The following ABCA10 variants were observed in gnomAD, a reference collection of about 807,000 sequenced individuals.
ABCA10 encodes ATP binding cassette subfamily A member 10.
ABCA10 carries 169 observed loss-of-function variants against 187.5 expected under a neutral mutation model. That is an observed-to-expected ratio of 0.90 (90% CI 0.80 to 1.02). The LOEUF (loss-of-function observed/expected upper bound fraction) is 1.02. Ranked by LOEUF, ABCA10 falls within the 50% of genes least tolerant of loss-of-function variation. The probability of loss-of-function intolerance (pLI) is 0.00; values close to 1 mark genes in which losing one functional copy is unlikely to be tolerated. For synonymous variants in ABCA10, 574 were observed against 601.8 expected (o/e 0.95, Z 0.68); for missense variants, 1,727 against 1,812.4 (o/e 0.95, Z 0.86).
At position 69,238,947 on chromosome 17, in the gene ABCA10, G is replaced by A. The variant is rs904627776; in HGVS notation, c.-593+5582C>T. Among the ~76,000 whole-genome samples, 7 of 152,302 alleles carry A rather than the reference G, an allele frequency of 4.6e-5. No individual in the cohort carries two copies. In the South Asian group the frequency reaches 8.3e-4, roughly 18 times the overall value. On this transcript the variant is annotated intron_variant, in intron 1 of 39. Transcript: ENST00000269081. The stretch of plus-strand genomic sequence containing the variant: ...TTCATTTGGCCCCTACAGATGCAAT[G>A]TTCTATTAAATATCTCCATAACTGT...
intron 11 of ABCA10, among the ~76,000 whole-genome samples, chr17:69,195,548 G>GTTT (rs1205226652): frequency 5.7e-5 from 2 of 35,084 alleles, no homozygotes; most frequent in African/African-American, 1.3e-4. Flanking sequence ...AAACAATGAA[G>GTTT]TTTTTCTTTT....
intron 25 of ABCA10, among the ~76,000 whole-genome samples, chr17:69,169,432 G>T (rs2074279593): frequency 6.6e-6 from 1 of 152,180 alleles, no homozygotes; most frequent in South Asian, 2.1e-4. Flanking sequence ...ACTATGTAAA[G>T]ATATCATTTC....
Position 69,166,971 on chromosome 17 carries a change from A to G in ABCA10, c.3163-1888T>C, listed in dbSNP as rs2074258860. ...GATGATCAGTACTGCCATTATCTAT[A>G]AAAGCTGATAACACTCAAGACTTGA... On this transcript the variant is annotated intron_variant, in intron 25 of 38. Coordinates refer to ENST00000690296, the MANE Select transcript of ABCA10 (RefSeq NM_001377321.1). Among the ~76,000 whole-genome samples the G allele has an allele frequency of 2.0e-5, 3 of 152,296 alleles. No individual in the cohort carries two copies. In the South Asian group the frequency reaches 6.2e-4, roughly 32 times the overall value.
rs768679925 is a variant in ABCA10 at position 69,190,495 on chromosome 17, A to G, written c.2012-18T>C. 7 of 1,551,696 alleles carry G rather than the reference A, an allele frequency of 4.5e-6. No individual in the cohort carries two copies. The highest frequency in any genetic ancestry group is 2.3e-5 in the Admixed American group (1 of 43,986). ...GTAAAGATCTAAAAAGCCAATAGTA[A>G]TAAGTCAACGCAATTAAAATTATCA... On this transcript the variant is annotated intron_variant, in intron 17 of 38. Transcript: ENST00000690296.
chr17:69,168,693 T>C (rs1033253889), intron 25 of ABCA10, among the ~76,000 whole-genome samples: 9 of 152,182 alleles, frequency 5.9e-5, no homozygotes, highest in Non-Finnish European at 1.2e-4. Flanking sequence ...ATAATTCCCA[T>C]GTGTTGTGGA....
At chr17:69,163,702 T>A (rs897516113) in intron 27 of ABCA10, among the ~76,000 whole-genome samples, 1 of 152,208 alleles carries the variant, frequency 6.6e-6, no homozygotes, top group Non-Finnish European at 1.5e-5. Context: ...TTCCCCACTA[T>A]AAAATTTCAT....
intron 4 of ABCA10, among the ~76,000 whole-genome samples, chr17:69,222,115 G>C (rs1232572550): frequency 1.3e-5 from 2 of 152,158 alleles, no homozygotes; most frequent in Non-Finnish European, 2.9e-5. Context: ...ACCACTTTGG[G>C]AGGCCGAGGC....
chr17:69,156,533 C>A (rs1006322482), intron 28 of ABCA10, among the ~76,000 whole-genome samples: 18 of 152,074 alleles, frequency 1.2e-4, no homozygotes, highest in Admixed American at 1.3e-4. Context: ...GTTAAATGTA[C>A]TGCAATAAAG....
At chr17:69,158,063 A>G (rs2074187746) in intron 27 of ABCA10, among the ~76,000 whole-genome samples, 1 of 151,996 alleles carries the variant, frequency 6.6e-6, no homozygotes, top group Non-Finnish European at 1.5e-5. Flanking sequence ...AACAAACAAA[A>G]GACAAAAGCT....
At chr17:69,179,325 T>C (rs1356145625) in intron 22 of ABCA10, among the ~76,000 whole-genome samples, 1 of 152,162 alleles carries the variant, frequency 6.6e-6, no homozygotes, top group Non-Finnish European at 1.5e-5. Context: ...CTGGAGGTAA[T>C]ATGCTAAGAC....
At chr17:69,215,195 T>A (rs936880062) in intron 8 of ABCA10, among the ~76,000 whole-genome samples, 2 of 152,088 alleles carry the variant, frequency 1.3e-5, no homozygotes, top group Non-Finnish European at 2.9e-5. Context: ...TAGAGCCCAT[T>A]TAAAGAAACA....
chr17:69,170,372 C>T (rs1034974961), intron 25 of ABCA10, among the ~76,000 whole-genome samples: 3 of 150,660 alleles, frequency 2.0e-5, no homozygotes, highest in Admixed American at 2.0e-4. Flanking sequence ...GCTTCTTTCA[C>T]CTTTATTCCA....
chr17:69,232,978 A>C (rs2074841495), upstream of ABCA10: 1 of 151,762 alleles, frequency 6.6e-6, no homozygotes, highest in Non-Finnish European at 1.5e-5. Context: ...TTATTTCTCT[A>C]TTTTCAGGGT....
chr17:69,201,206 A>G (rs1281151395), intron 10 of ABCA10, among the ~76,000 whole-genome samples: 1 of 152,208 alleles, frequency 6.6e-6, no homozygotes, highest in Non-Finnish European at 1.5e-5. Flanking sequence ...ATACATATAC[A>G]TAACATAGCC....
In ABCA10 at chr17:69,149,097, A is replaced by G; in HGVS notation, c.4478-9T>C. The G allele has an allele frequency of 1.9e-6, 3 of 1,613,832 alleles. No individual in the cohort carries two copies. The highest frequency in any genetic ancestry group is 2.2e-5 in the East Asian group (1 of 44,860). ...GTTGAAGGTCTGTTTCACTGCATGTAAAGAGACTGACATTAGTGGCTTATA... is the reference window on the plus strand; with the variant it reads ...GTTGAAGGTCTGTTTCACTGCATGTGAAGAGACTGACATTAGTGGCTTATA... On this transcript the variant is annotated splice_polypyrimidine_tract_variant and intron_variant, in intron 37 of 38. Transcript: ENST00000690296.
Position 69,152,376 on chromosome 17 carries a change from C to A in ABCA10, c.4242G>T (p.Val1414=), listed in dbSNP as rs768300766. ...EAVCDRMAMM[V]SGTLRCIGSI... ...CAGGCACCCACCTTAGCGTTCCTGA[C>A]ACCATCATGGCCATACGGTCACACA... The change falls in exon 35 of 39, where the codon GTG becomes GTT. Residue 1414 remains valine, a synonymous_variant. Coordinates refer to ENST00000690296, the MANE Select transcript of ABCA10 (RefSeq NM_001377321.1). The A allele has an allele frequency of 2.5e-6, 4 of 1,613,752 alleles. No homozygotes were observed. The highest frequency in any genetic ancestry group is 1.7e-4 in the Middle Eastern group (1 of 6,052).
intron 28 of ABCA10, 64 bp from the exon 29 acceptor site, chr17:69,155,989 A>C: frequency 6.7e-7 from 1 of 1,492,452 alleles, no homozygotes. Flanking sequence ...AGAAAATGTA[A>C]ACCCCTATAA....
At position 69,184,871 on chromosome 17, in the gene ABCA10, GTA is replaced by G. The variant is rs1555660277; in HGVS notation, c.2497+604_2497+605del. On this transcript the variant is annotated intron_variant, in intron 20 of 38. Transcript: ENST00000690296. Reference sequence around the variant, plus strand: ...TATATGTGTGTGTGTGTGTGTGTGTGTATATATATACACACACACACATACAT... The same window carrying G: ...TATATGTGTGTGTGTGTGTGTGTGTGTATATATACACACACACACATACAT... 5.6e-3 allele frequency among the ~76,000 whole-genome samples: 827 copies of G among 148,140 alleles called. 3 individuals carry two copies. The highest frequency in any genetic ancestry group is 0.019 in the African/African-American group (768 of 39,828).
At chr17:69,175,619 C>T (rs2074328924) in intron 22 of ABCA10, 106 bp from the exon 23 acceptor site, 4 of 855,720 alleles carry the variant, frequency 4.7e-6, no homozygotes, top group Non-Finnish European at 5.2e-6. Context: ...AAGCATTCAC[C>T]TGATTTAAGA....
Sources: gnomAD v4.1 joint callset for allele counts (sites outside exome capture counted in the v4.1 genomes callset) on GRCh38, gnomAD v4.1.1 for gene constraint, MANE v1.5 for transcripts, NCBI Gene and HGNC (gene_info 2026-07-23, HGNC 2026-07-21) for gene names.